The following QTMAN variants were observed in gnomAD, a reference collection of about 807,000 sequenced individuals.
QTMAN encodes tRNA-queuosine alpha-mannosyltransferase.
At chr2:144,083,728 G>A in the QTMAN span, among the ~76,000 whole-genome samples, 1 of 152,152 alleles carries the variant, frequency 6.6e-6, no homozygotes, top group Non-Finnish European at 1.5e-5. Context: ...GACATCAGAT[G>A]ATGGAAGCTA....
chr2:144,052,333 A>G, the QTMAN span, among the ~76,000 whole-genome samples: 1 of 152,212 alleles, frequency 6.6e-6, no homozygotes, highest in South Asian at 2.1e-4. Context: ...GCAAAACCAG[A>G]AGGCCAGCAA....
At chr2:144,238,791 A>G in the QTMAN span, among the ~76,000 whole-genome samples, 2 of 152,158 alleles carry the variant, frequency 1.3e-5, no homozygotes, top group South Asian at 2.1e-4. Flanking sequence ...CTTCCATTCA[A>G]TGCTTGAATT....
chr2:143,952,756 T>C, the QTMAN span: 11,241 of 1,488,196 alleles, frequency 7.6e-3, 688 homozygotes, highest in African/African-American at 0.14. Flanking sequence ...AAGATGAATG[T>C]ACATTAAAGC....
the QTMAN span, among the ~76,000 whole-genome samples, chr2:144,079,185 G>A: frequency 1.3e-5 from 2 of 152,064 alleles, no homozygotes; most frequent in Non-Finnish European, 1.5e-5. Flanking sequence ...AAGTATTAAC[G>A]GTGACATTAT....
the QTMAN span, among the ~76,000 whole-genome samples, chr2:144,203,147 AAG>A: frequency 8.9e-6 from 1 of 112,906 alleles, no homozygotes; most frequent in Admixed American, 9.7e-5. Context: ...TTTTACAATG[AAG>A]AGTGTGTGTG....
the QTMAN span, among the ~76,000 whole-genome samples, chr2:144,095,677 T>G: frequency 1.3e-5 from 2 of 152,178 alleles, no homozygotes; most frequent in Admixed American, 1.3e-4. Flanking sequence ...TAAAAAGATC[T>G]TAAATCTGAT....
the QTMAN span, among the ~76,000 whole-genome samples, chr2:144,179,457 G>T: frequency 6.6e-6 from 1 of 152,044 alleles, no homozygotes; most frequent in Non-Finnish European, 1.5e-5. Context: ...GTTCAACCTT[G>T]ATTTCCTAAT....
chr2:143,993,916 T>C, the QTMAN span, among the ~76,000 whole-genome samples: 1 of 152,120 alleles, frequency 6.6e-6, no homozygotes, highest in Admixed American at 6.5e-5. Flanking sequence ...GGGGTTTGCA[T>C]TTAGATGTGT....
chr2:143,947,034 G>C, the QTMAN span: 6 of 1,569,134 alleles, frequency 3.8e-6, no homozygotes, highest in Non-Finnish European at 5.3e-6. Context: ...CTGCAAGTTT[G>C]TGACTTAGCC....
the QTMAN span, among the ~76,000 whole-genome samples, chr2:144,057,322 C>A: frequency 6.6e-6 from 1 of 152,170 alleles, no homozygotes; most frequent in African/African-American, 2.4e-5. Context: ...CCATTATATG[C>A]TCTCAAAACT....
chr2:144,089,416 C>A, the QTMAN span, among the ~76,000 whole-genome samples: 1 of 151,918 alleles, frequency 6.6e-6, no homozygotes, highest in South Asian at 2.1e-4. Flanking sequence ...CATAGAATTA[C>A]CATTTAATTG....
At chr2:144,316,638 A>G in the QTMAN span, among the ~76,000 whole-genome samples, 1 of 152,212 alleles carries the variant, frequency 6.6e-6, no homozygotes, top group African/African-American at 2.4e-5. Flanking sequence ...AAGGCAACCC[A>G]TTAGATGGTT....
At chr2:143,984,507 G>A in the QTMAN span, among the ~76,000 whole-genome samples, 4 of 152,200 alleles carry the variant, frequency 2.6e-5, no homozygotes, top group Admixed American at 6.5e-5. Context: ...CCCTGTGCCT[G>A]TGATATGGAC....
At chr2:144,142,957 G>C in the QTMAN span, among the ~76,000 whole-genome samples, 2,748 of 151,944 alleles carry the variant, frequency 0.018, 34 homozygotes, top group Middle Eastern at 0.031. Flanking sequence ...CTTTTCCTGG[G>C]CTAATGGTAT....
the QTMAN span, among the ~76,000 whole-genome samples, chr2:144,196,964 T>C: frequency 6.6e-6 from 1 of 152,184 alleles, no homozygotes; most frequent in African/African-American, 2.4e-5. Context: ...CAGTCATACA[T>C]TGCTTGATGA....
the QTMAN span, among the ~76,000 whole-genome samples, chr2:144,255,130 G>A: frequency 1.3e-5 from 2 of 152,188 alleles, no homozygotes; most frequent in African/African-American, 4.8e-5. Context: ...TGGACTGTTG[G>A]AAAGGCATGA....
the QTMAN span, among the ~76,000 whole-genome samples, chr2:144,239,339 G>A: frequency 2.8e-4 from 42 of 152,100 alleles, no homozygotes; most frequent in Admixed American, 2.8e-3. Flanking sequence ...ACTTCCCAAA[G>A]CTAAAAGTTC....
At chr2:144,190,692 T>C in the QTMAN span, among the ~76,000 whole-genome samples, 107 of 152,126 alleles carry the variant, frequency 7.0e-4, no homozygotes, top group Non-Finnish European at 4.4e-5. Context: ...CAAGAAATAT[T>C]CAATGATAAA....
chr2:144,324,015 T>C, the QTMAN span, among the ~76,000 whole-genome samples: 1 of 152,192 alleles, frequency 6.6e-6, no homozygotes, highest in Non-Finnish European at 1.5e-5. Flanking sequence ...TTGTCCTTAT[T>C]ACCCTTTATT....
Sources: gnomAD v4.1 joint callset for allele counts (sites outside exome capture counted in the v4.1 genomes callset) on GRCh38, gnomAD v4.1.1 for gene constraint, MANE v1.5 for transcripts, NCBI Gene and HGNC (gene_info 2026-07-23, HGNC 2026-07-21) for gene names.